The following SPOCK3 variants were observed in gnomAD, a reference collection of about 807,000 sequenced individuals.
The protein encoded by SPOCK3 is SPARC (osteonectin), cwcv and kazal like domains proteoglycan 3, also known as testican-3.
Under a neutral mutation model 56.6 loss-of-function variants are expected in SPOCK3, and 30 were observed. The ratio of observed to expected loss-of-function variants is 0.53; its 90% CI spans 0.40 to 0.72. The LOEUF (loss-of-function observed/expected upper bound fraction) is 0.72, where lower values mean the gene tolerates loss of function less well. Ranked by LOEUF, SPOCK3 falls within the 30% of genes least tolerant of loss-of-function variation. SPOCK3 has a pLI of 0.00. For missense variants in SPOCK3, 527 were observed against 530.0 expected (o/e 0.99, Z 0.06); for synonymous variants, 196 against 183.3 (o/e 1.07, Z -0.56).
At chr4:167,212,115 C>G (rs890526150) in intron 2 of SPOCK3, among the ~76,000 whole-genome samples, 1 of 152,092 alleles carries the variant, frequency 6.6e-6, no homozygotes, top group Non-Finnish European at 1.5e-5. Context: ...TAAACAAACA[C>G]ATAATAAATG....
At chr4:167,205,384 T>A (rs1400770220) in intron 2 of SPOCK3, among the ~76,000 whole-genome samples, 7 of 42,900 alleles carry the variant, frequency 1.6e-4, no homozygotes, top group Admixed American at 1.5e-3. Flanking sequence ...ATATATAATA[T>A]ATATATTTTA....
At chr4:166,745,974 C>T (rs1046836826) in intron 8 of SPOCK3, among the ~76,000 whole-genome samples, 1 of 152,156 alleles carries the variant, frequency 6.6e-6, no homozygotes, top group African/African-American at 2.4e-5. Context: ...CAGGAGCACC[C>T]AGATTCATAA....
chr4:166,739,825 C>A (rs1734642888), intron 9 of SPOCK3, among the ~76,000 whole-genome samples: 1 of 151,852 alleles, frequency 6.6e-6, no homozygotes, highest in South Asian at 2.1e-4. Flanking sequence ...ACTTCACTAT[C>A]TCAAAAAGTT....
chr4:167,104,461 GTC>G (rs1401887049), intron 2 of SPOCK3, among the ~76,000 whole-genome samples: 2 of 152,126 alleles, frequency 1.3e-5, no homozygotes, highest in South Asian at 2.1e-4. Flanking sequence ...ATGTATCAGA[GTC>G]TCTCAGTAAC....
intron 4 of SPOCK3, among the ~76,000 whole-genome samples, chr4:166,929,102 G>A (rs1739443130): frequency 6.6e-6 from 1 of 152,286 alleles, no homozygotes; most frequent in Non-Finnish European, 1.5e-5. Context: ...TGCAATGTGT[G>A]GGGGCAGTAG....
At chr4:166,785,232 T>C (rs1001223146) in intron 7 of SPOCK3, among the ~76,000 whole-genome samples, 3 of 152,104 alleles carry the variant, frequency 2.0e-5, no homozygotes, top group Non-Finnish European at 2.9e-5. Context: ...TTTTCAGTGA[T>C]AGCTCTAAAG....
At chr4:166,826,166 AT>A (rs1469694753) in intron 6 of SPOCK3, among the ~76,000 whole-genome samples, 1 of 152,102 alleles carries the variant, frequency 6.6e-6, no homozygotes, top group Non-Finnish European at 1.5e-5. Context: ...GATTGTAAAC[AT>A]TTTTTAAAAA....
At chr4:167,129,554 A>T (rs1005358819) in intron 2 of SPOCK3, among the ~76,000 whole-genome samples, 1 of 151,296 alleles carries the variant, frequency 6.6e-6, no homozygotes, top group African/African-American at 2.4e-5. Flanking sequence ...GTAATTTCAG[A>T]CATTCTGTTT....
intron 6 of SPOCK3, among the ~76,000 whole-genome samples, chr4:166,793,113 G>T (rs981153758): frequency 6.6e-6 from 1 of 152,036 alleles, no homozygotes; most frequent in African/African-American, 2.4e-5. Context: ...TTGTTTAGAG[G>T]ACGTTGTTAC....
intron 4 of SPOCK3, among the ~76,000 whole-genome samples, chr4:166,947,259 A>G (rs1054977192): frequency 6.6e-6 from 1 of 152,114 alleles, no homozygotes; most frequent in African/African-American, 2.4e-5. Context: ...TAACTTTTGA[A>G]TTTTGGGGCC....
chr4:167,153,071 A>C (rs893316252), intron 2 of SPOCK3, among the ~76,000 whole-genome samples: 1 of 152,176 alleles, frequency 6.6e-6, no homozygotes, highest in African/African-American at 2.4e-5. Flanking sequence ...TTCTAACAAC[A>C]CCATGAGAGA....
chr4:166,768,612 C>T (rs552763641), intron 7 of SPOCK3, among the ~76,000 whole-genome samples: 2 of 152,102 alleles, frequency 1.3e-5, no homozygotes, highest in Non-Finnish European at 2.9e-5. Flanking sequence ...CTCTGGCTGC[C>T]CTTAACATTT....
intron 2 of SPOCK3, among the ~76,000 whole-genome samples, chr4:167,064,143 G>A (rs1470281922): frequency 1.3e-5 from 2 of 151,574 alleles, no homozygotes; most frequent in African/African-American, 2.4e-5. Context: ...AGTTTCAGAA[G>A]TTTTTTTAAT....
At chr4:167,121,474 A>G (rs1761857991) in intron 2 of SPOCK3, among the ~76,000 whole-genome samples, 1 of 142,022 alleles carries the variant, frequency 7.0e-6, no homozygotes, top group South Asian at 2.2e-4. Context: ...GGTTTCAAAC[A>G]AAAAAAAAAA....
chr4:167,158,800 A>G (rs945732219), intron 2 of SPOCK3, among the ~76,000 whole-genome samples: 3 of 152,024 alleles, frequency 2.0e-5, no homozygotes, highest in African/African-American at 7.2e-5. Context: ...TTTATAATAG[A>G]TATCACTTGG....
chr4:166,893,303 TG>T (rs1202426572), intron 5 of SPOCK3, among the ~76,000 whole-genome samples: 1 of 152,158 alleles, frequency 6.6e-6, no homozygotes, highest in Non-Finnish European at 1.5e-5. Context: ...AATTTTTTCT[TG>T]GGCATTCACT....
At chr4:167,146,345 C>T (rs970740873) in intron 2 of SPOCK3, among the ~76,000 whole-genome samples, 1 of 152,198 alleles carries the variant, frequency 6.6e-6, no homozygotes, top group Admixed American at 6.5e-5. Context: ...GACTTAGACT[C>T]CCACACAAGA....
intron 2 of SPOCK3, among the ~76,000 whole-genome samples, chr4:167,205,375 TATATAATATATATATTTTATATATA>T (rs1734072400): frequency 1.4e-4 from 6 of 42,640 alleles, no homozygotes; most frequent in African/African-American, 3.1e-4. Flanking sequence ...ATATTTTATA[TATATAATATATATATTTTATATATA>T]ATATATTATA....
In SPOCK3 at chr4:167,124,903, C is replaced by T. The variant is rs567943454; in HGVS notation, c.190-62366G>A. Among the ~76,000 whole-genome samples, 8 of 152,234 alleles carry T rather than the reference C, an allele frequency of 5.3e-5. No individual in the cohort carries two copies. In the South Asian group the frequency reaches 6.2e-4, roughly 12 times the overall value. ...CTTGCTATAGCACAATAAGGTCTTGCGGTCTTGGCTCTCATTGGGCCTCTG... is the reference window on the plus strand; with the variant it reads ...CTTGCTATAGCACAATAAGGTCTTGTGGTCTTGGCTCTCATTGGGCCTCTG... On this transcript the variant is annotated intron_variant, in intron 2 of 10. Coordinates refer to ENST00000357545, the MANE Select transcript of SPOCK3 (RefSeq NM_001040159.2).
Sources: gnomAD v4.1 joint callset for allele counts (sites outside exome capture counted in the v4.1 genomes callset) on GRCh38, gnomAD v4.1.1 for gene constraint, MANE v1.5 for transcripts, NCBI Gene and HGNC (gene_info 2026-07-23, HGNC 2026-07-21) for gene names.